The following MYT1L variants were observed in gnomAD, a reference collection of about 807,000 sequenced individuals.
MYT1L encodes myelin transcription factor 1-like protein.
A neutral mutation model predicts 126.7 loss-of-function variants in MYT1L; 12 were observed. That is an observed-to-expected ratio of 0.09 (90% confidence interval 0.06 to 0.15). MYT1L has a LOEUF of 0.15. Ranked by LOEUF, MYT1L falls within the 10% of genes least tolerant of loss-of-function variation. MYT1L has a pLI of 1.00. For missense variants in MYT1L, 979 were observed against 1,585.2 expected (o/e 0.62, Z 6.49); for synonymous variants, 541 against 604.2 (o/e 0.90, Z 1.53).
At chr2:2,143,391 C>T (rs575842246) in intron 3 of MYT1L, among the ~76,000 whole-genome samples, 26 of 152,028 alleles carry the variant, frequency 1.7e-4, no homozygotes, top group Admixed American at 1.3e-3. Context: ...TGCCTGGGGC[C>T]GAGGTGGTCG....
chr2:1,831,164 A>G (rs572428090), intron 21 of MYT1L, among the ~76,000 whole-genome samples: 1 of 144,560 alleles, frequency 6.9e-6, no homozygotes, highest in South Asian at 2.1e-4. Flanking sequence ...GACTCCCATG[A>G]AGTCCTTGTC....
At chr2:1,919,595 G>A (rs921189629) in intron 10 of MYT1L, among the ~76,000 whole-genome samples, 10 of 152,292 alleles carry the variant, frequency 6.6e-5, no homozygotes, top group Admixed American at 6.5e-4. Flanking sequence ...GAATACAAGT[G>A]TTCTCTCCAT....
intron 21 of MYT1L, among the ~76,000 whole-genome samples, chr2:1,837,745 A>G (rs2041102480): frequency 6.6e-6 from 1 of 152,050 alleles, no homozygotes; most frequent in Non-Finnish European, 1.5e-5. Flanking sequence ...TGAGCAGCTG[A>G]GGCCCCTGTC....
chr2:2,161,223 A>G (rs1275959300), intron 3 of MYT1L, among the ~76,000 whole-genome samples: 1 of 152,170 alleles, frequency 6.6e-6, no homozygotes, highest in African/African-American at 2.4e-5. Context: ...AAACAAAACA[A>G]AACAAAACAA....
At chr2:1,955,132 G>C (rs2058227783) in intron 8 of MYT1L, among the ~76,000 whole-genome samples, 2 of 133,974 alleles carry the variant, frequency 1.5e-5, no homozygotes, top group East Asian at 4.4e-4. Context: ...AACAGACAGA[G>C]AGTCCATCTC....
intron 3 of MYT1L, among the ~76,000 whole-genome samples, chr2:2,111,760 G>A (rs1331929902): frequency 1.3e-5 from 2 of 152,170 alleles, no homozygotes; most frequent in African/African-American, 2.4e-5. Flanking sequence ...ATCTCAAAAC[G>A]TGCAGGAAAA....
At chr2:2,285,282 G>T (rs950322185) in intron 1 of MYT1L, among the ~76,000 whole-genome samples, 2 of 152,128 alleles carry the variant, frequency 1.3e-5, no homozygotes, top group Non-Finnish European at 2.9e-5. Context: ...GACCTCAAAC[G>T]CAGCTTGCCT....
intron 4 of MYT1L, among the ~76,000 whole-genome samples, chr2:2,052,936 T>G (rs942030852): frequency 1.3e-5 from 2 of 152,192 alleles, no homozygotes; most frequent in African/African-American, 4.8e-5. Context: ...CACTTCTGGG[T>G]TGATGCTCAG....
At chr2:1,934,027 T>C (rs2055397867) in intron 9 of MYT1L, among the ~76,000 whole-genome samples, 1 of 141,394 alleles carries the variant, frequency 7.1e-6, no homozygotes, top group South Asian at 2.2e-4. Flanking sequence ...CAGGCTGGAG[T>C]GCAGTGGTGC....
chr2:1,956,191 G>GTCTATCTATCTATCTATCTA (rs368487475), intron 8 of MYT1L, among the ~76,000 whole-genome samples: 33 of 145,984 alleles, frequency 2.3e-4, no homozygotes, highest in South Asian at 4.4e-4. Context: ...TTACCTAGCT[G>GTCTATCTATCTATCTATCTA]TCTATCTATC....
At chr2:2,226,331 G>C (rs1031117425) in intron 2 of MYT1L, among the ~76,000 whole-genome samples, 2 of 150,770 alleles carry the variant, frequency 1.3e-5, no homozygotes, top group African/African-American at 5.0e-5. Flanking sequence ...AAGCATATTT[G>C]TTCTATAATA....
At position 2,011,522 on chromosome 2, in the gene MYT1L, T is replaced by C. The variant is rs140068455; in HGVS notation, c.-157-14175A>G. Reference sequence around the variant, plus strand: ...CATGAGCAATTAAAAAGTAGATAAATTGAACGCTATCAAAATTTTAAAAAA... The same window carrying C: ...CATGAGCAATTAAAAAGTAGATAAACTGAACGCTATCAAAATTTTAAAAAA... On this transcript the variant is annotated intron_variant, in intron 4 of 24. Transcript: ENST00000647738. Among the ~76,000 whole-genome samples the C allele has an allele frequency of 2.0e-5, 3 of 151,394 alleles. No homozygotes were observed. The East Asian group carries it at 5.8e-4, about 29-fold the overall frequency.
chr2:2,065,768 G>A (rs1321356991), intron 3 of MYT1L, among the ~76,000 whole-genome samples: 1 of 151,400 alleles, frequency 6.6e-6, no homozygotes, highest in Non-Finnish European at 1.5e-5. Flanking sequence ...TTATAAAAAT[G>A]CTGCTAATTT....
intron 2 of MYT1L, among the ~76,000 whole-genome samples, chr2:2,187,145 C>G (rs2092269626): frequency 6.6e-6 from 1 of 152,094 alleles, no homozygotes; most frequent in East Asian, 1.9e-4. Flanking sequence ...AGAGGAGATG[C>G]TCTTATATTT....
intron 3 of MYT1L, among the ~76,000 whole-genome samples, chr2:2,105,800 A>T (rs2078675969): frequency 6.6e-6 from 1 of 152,244 alleles, no homozygotes; most frequent in Non-Finnish European, 1.5e-5. Flanking sequence ...GAGTGCCTGA[A>T]CAAATTACCT....
chr2:1,981,073 T>C (rs1039550146), intron 5 of MYT1L, among the ~76,000 whole-genome samples: 27 of 152,120 alleles, frequency 1.8e-4, no homozygotes, highest in African/African-American at 6.3e-4. Flanking sequence ...ACAGGGTAGA[T>C]CTGCCGCTGA....
rs560074308 is a variant in MYT1L, at chr2:2,292,337, G to A, written c.-520-7834C>T. On this transcript the variant is annotated intron_variant, in intron 1 of 24. Transcript: ENST00000647738. ...TGGGATAGCAATTCTATTCCCAAAC[G>A]TTACATGAAAACAAACCTGAAATTG... is the stretch of plus-strand genomic sequence containing the variant. Among the ~76,000 whole-genome samples, 6 of 152,300 alleles carry A rather than the reference G, an allele frequency of 3.9e-5. No individual in the cohort carries two copies. The East Asian group carries it at 5.8e-4, about 15-fold the overall frequency.
At position 1,979,653 on chromosome 2, in the gene MYT1L, A is replaced by G. The variant is rs1215748709; in HGVS notation, c.55+70T>C. 1 of 1,605,072 alleles carries G rather than the reference A, an allele frequency of 6.2e-7. No homozygotes were observed. The highest frequency in any genetic ancestry group is 1.3e-5 in the African/African-American group (1 of 74,754). On this transcript the variant is annotated intron_variant, in intron 6 of 24. Transcript: ENST00000647738. This position sits in a 1 kb window ranked among gnomAD's most constrained non-coding sequence, Gnocchi z 4.0. ...AGGGTGGCATGAAAGTGGGGTCAGA[A>G]TCGACCTCAGTTCCGCAGGATGAAG...
chr2:2,124,489 T>C (rs1263290514), intron 3 of MYT1L, among the ~76,000 whole-genome samples: 1 of 152,008 alleles, frequency 6.6e-6, no homozygotes, highest in Non-Finnish European at 1.5e-5. Context: ...AGAGATGGGG[T>C]TTCACCATGT....
Sources: gnomAD v4.1 joint callset for allele counts (sites outside exome capture counted in the v4.1 genomes callset) on GRCh38, gnomAD v4.1.1 for gene constraint, Gnocchi (gnomAD v3.1) non-coding constraint, MANE v1.5 for transcripts, NCBI Gene and HGNC (gene_info 2026-07-23, HGNC 2026-07-21) for gene names.